Variants in SPCS3 observed in about 807,000 individuals in gnomAD.
The protein encoded by SPCS3 is SPase 22 kDa subunit.
SPCS3 carries 9 observed loss-of-function variants against 17.2 expected under a neutral mutation model. The observed-to-expected ratio is 0.52, with a 90% CI of 0.31 to 0.91. SPCS3 has a LOEUF of 0.91. Ranked by LOEUF, SPCS3 falls within the 40% of genes least tolerant of loss-of-function variation. The pLI is 0.04. For synonymous variants in SPCS3, 87 were observed against 89.6 expected (o/e 0.97, Z 0.16); for missense variants, 139 against 217.5 (o/e 0.64, Z 2.27).
At chr4:176,327,338 AT>A in intron 4 of SPCS3, 61 bp downstream of exon 4, 2 of 1,053,140 alleles carry the variant, frequency 1.9e-6, no homozygotes, top group Non-Finnish European at 2.6e-6. Flanking sequence ...AGAAAGATGT[AT>A]TTTTATTTTA....
intron 2 of SPCS3, among the ~76,000 whole-genome samples, chr4:176,323,551 TA>T (rs1731565349): frequency 6.6e-6 from 1 of 152,182 alleles, no homozygotes; most frequent in African/African-American, 2.4e-5. Flanking sequence ...ACATAATACT[TA>T]AAAATCCAAA....
At chr4:176,327,471 C>G (rs2278904) in intron 4 of SPCS3, 194 bp downstream of exon 4, 131,734 of 380,964 alleles carry the variant, frequency 0.35, 23,369 homozygotes, top group Middle Eastern at 0.48. Context: ...CTTGCAGTTT[C>G]TGAAATGTCA....
rs1371859635 is a variant in SPCS3 at position 176,328,280 on chromosome 4, C to A, written c.493C>A (p.His165Asn). 1 of 1,612,224 alleles carries A rather than the reference C, an allele frequency of 6.2e-7. No individual in the cohort carries two copies. Among genetic ancestry groups the A allele is most frequent in the Non-Finnish European group, 8.5e-7 (1 of 1,179,192 alleles). ...GILPLVTGSG[H>N]VSVPFPDTYE... ...TCTACCTCTTGTGACAGGATCAGGACACGTATCTGTCCCATTTCCAGATAC... is the reference window on the plus strand; with the variant it reads ...TCTACCTCTTGTGACAGGATCAGGAAACGTATCTGTCCCATTTCCAGATAC... Residue 165 changes from histidine (H) to asparagine (N), a missense_variant, in exon 5 of 5, where the codon CAC (histidine) becomes AAC (asparagine). His to Asn is a moderately conservative substitution (Grantham distance 68). Coordinates refer to ENST00000503362, the MANE Select transcript of SPCS3 (RefSeq NM_021928.4).
At chr4:176,326,391 A>G (rs1731607976) in intron 3 of SPCS3, among the ~76,000 whole-genome samples, 2 of 152,174 alleles carry the variant, frequency 1.3e-5, no homozygotes, top group Non-Finnish European at 2.9e-5. Context: ...AAGCGAATAG[A>G]TGCTAACTTA....
chr4:176,322,725 T>G (rs1405732218), intron 2 of SPCS3, among the ~76,000 whole-genome samples: 1 of 152,156 alleles, frequency 6.6e-6, no homozygotes, highest in Non-Finnish European at 1.5e-5. Context: ...GGTTGCTTTT[T>G]GCCGTCATAA....
At chr4:176,323,308 G>A (rs928044582) in intron 2 of SPCS3, among the ~76,000 whole-genome samples, 3 of 151,986 alleles carry the variant, frequency 2.0e-5, no homozygotes, top group Admixed American at 6.6e-5. Context: ...GAAATTTCCT[G>A]GTATCTATGG....
At chr4:176,325,824 A>G (rs13148057) in intron 3 of SPCS3, among the ~76,000 whole-genome samples, 14,100 of 151,680 alleles carry the variant, frequency 0.093, 757 homozygotes, top group Middle Eastern at 0.12. Context: ...GCTCACTGCA[A>G]CCTCCACATC....
rs1560839433 is a variant in SPCS3, at chr4:176,330,151, A to C, written c.*1821A>C. Reference sequence around the variant, plus strand: ...CAGCAAAGAGATTGAACAAAAAAGCACGTTAGTAATATGAAGACAGGAAAA... The same window carrying C: ...CAGCAAAGAGATTGAACAAAAAAGCCCGTTAGTAATATGAAGACAGGAAAA... On this transcript the variant is annotated 3_prime_UTR_variant, in exon 5 of 5. Transcript: ENST00000503362. 1 of 152,238 alleles carries C rather than the reference A, an allele frequency of 6.6e-6. No homozygotes were observed. The highest frequency in any genetic ancestry group is 2.4e-5 in the African/African-American group (1 of 41,470). 9.4% of individuals were successfully genotyped at this position (152,238 alleles called of 1,614,324 possible). A position where few individuals can be genotyped will look rare whatever the true frequency, so the allele number is the denominator to read the frequency against.
chr4:176,324,127 C>A, intron 2 of SPCS3, 54 bp from the exon 3 acceptor site: 1 of 864,782 alleles, frequency 1.2e-6, no homozygotes, highest in Non-Finnish European at 1.6e-6. Flanking sequence ...TAATTAAGAT[C>A]TATTTAAAAG....
intron 2 of SPCS3, among the ~76,000 whole-genome samples, chr4:176,323,181 GTC>G (rs996309719): frequency 6.6e-6 from 1 of 152,114 alleles, no homozygotes; most frequent in Admixed American, 6.6e-5. Context: ...CATCGGAAGA[GTC>G]TTATGCTGAA....
At chr4:176,323,573 G>A (rs1341023919) in intron 2 of SPCS3, among the ~76,000 whole-genome samples, 2 of 152,040 alleles carry the variant, frequency 1.3e-5, no homozygotes, top group African/African-American at 4.8e-5. Flanking sequence ...TATTAACTCC[G>A]CTTATTTCTT....
intron 3 of SPCS3, among the ~76,000 whole-genome samples, chr4:176,325,967 A>C (rs1731601104): frequency 6.6e-6 from 1 of 152,170 alleles, no homozygotes; most frequent in Non-Finnish European, 1.5e-5. Flanking sequence ...AATAGCTTTT[A>C]ATTATAAAAC....
At chr4:176,323,834 A>T (rs1731568509) in intron 2 of SPCS3, among the ~76,000 whole-genome samples, 1 of 151,408 alleles carries the variant, frequency 6.6e-6, no homozygotes, top group Non-Finnish European at 1.5e-5. Context: ...TTTGCTTGAA[A>T]TATCGAGTCC....
intron 1 of SPCS3, 49 bp from the exon 2 acceptor site, chr4:176,322,114 CGTGAATT>C: frequency 1.7e-6 from 2 of 1,158,934 alleles, no homozygotes; most frequent in South Asian, 2.6e-5. Flanking sequence ...TAAGAAGTTA[CGTGAATT>C]GTGTATGTTC....
In SPCS3 at chr4:176,328,370, G is replaced by T; in HGVS notation, c.*40G>T. Reference sequence around the variant, plus strand: ...GAAACAACATATTTTTATACTTAATGAATTGTATCTCATTAATCTCTTCCC... The same window carrying T: ...GAAACAACATATTTTTATACTTAATTAATTGTATCTCATTAATCTCTTCCC... On this transcript the variant is annotated 3_prime_UTR_variant, in exon 5 of 5. Transcript: ENST00000503362. 1.4e-6 allele frequency: 2 copies of T among 1,448,992 alleles called. No individual in the cohort carries two copies. The highest frequency in any genetic ancestry group is 1.3e-5 in the South Asian group (1 of 74,888). 89.8% of individuals were successfully genotyped at this position (1,448,992 alleles called of 1,614,324 possible). A position where few individuals can be genotyped will look rare whatever the true frequency, so the allele number is the denominator to read the frequency against.
chr4:176,320,533 A>G (rs1393639885), intron 1 of SPCS3: 1 of 167,060 alleles, frequency 6.0e-6, no homozygotes, highest in Non-Finnish European at 1.3e-5. Context: ...CGCCTGGCCA[A>G]TGAGGGAGCA....
At chr4:176,323,518 A>G (rs1050102052) in intron 2 of SPCS3, among the ~76,000 whole-genome samples, 7 of 152,284 alleles carry the variant, frequency 4.6e-5, no homozygotes, top group Admixed American at 6.5e-5. Context: ...CTCATATAGT[A>G]AAATGAGTTA....
Position 176,319,992 on chromosome 4 carries a change from G to T in SPCS3, c.-85G>T, listed in dbSNP as rs903378175. On this transcript the variant is annotated 5_prime_UTR_variant, in exon 1 of 5. Coordinates refer to ENST00000503362, the MANE Select transcript of SPCS3 (RefSeq NM_021928.4). ...CTCCCGGAACGCGCGCACCGCAGAC[G>T]GCGCGGATCGCAGGGAGCCGGTCCG... 1.1e-5 allele frequency: 15 copies of T among 1,356,410 alleles called. No individual in the cohort carries two copies. The South Asian group carries it at 2.0e-4, about 18-fold the overall frequency. The allele number at this position is 1,356,410 out of a possible 1,614,324, so 84.0% of individuals were successfully genotyped here.
rs1024543947 is a variant in SPCS3 at position 176,320,340 on chromosome 4, C to T, written c.143+121C>T. The T allele has an allele frequency of 4.1e-6, 4 of 975,070 alleles. No individual in the cohort carries two copies. The African/African-American group carries it at 5.2e-5, about 13-fold the overall frequency. The allele number at this position is 975,070 out of a possible 1,614,324, so 60.4% of individuals were successfully genotyped here. A position where few individuals can be genotyped will look rare whatever the true frequency, so the allele number is the denominator to read the frequency against. The stretch of plus-strand genomic sequence containing the variant: ...GCGGGCAGGGCGTCCGGATCGCCCT[C>T]CTGAGCGGCAGTTCGCCCCCGAGGG... On this transcript the variant is annotated intron_variant, in intron 1 of 4. Coordinates refer to ENST00000503362, the MANE Select transcript of SPCS3 (RefSeq NM_021928.4).
Sources: allele counts gnomAD v4.1 joint callset (sites outside exome capture counted in the v4.1 genomes callset), GRCh38; gene constraint gnomAD v4.1.1; transcripts MANE v1.5; gene names NCBI Gene and HGNC (gene_info 2026-07-23, HGNC 2026-07-21).